PTPRJ: variants seen among roughly 807,000 people sequenced by gnomAD.
PTPRJ encodes the protein protein tyrosine phosphatase receptor type J.
A neutral mutation model predicts 141.3 loss-of-function variants in PTPRJ; 129 were observed. The observed-to-expected ratio is 0.91, with a 90% CI of 0.79 to 1.06. The LOEUF (loss-of-function observed/expected upper bound fraction) is 1.06, where lower values mean the gene tolerates loss of function less well. Ranked by LOEUF, PTPRJ falls within the 50% of genes least tolerant of loss-of-function variation. The pLI is 0.00. For missense variants in PTPRJ, 1,601 were observed against 1,679.7 expected (o/e 0.95, Z 0.82); for synonymous variants, 610 against 640.5 (o/e 0.95, Z 0.72).
At position 47,980,880 on chromosome 11, in the gene PTPRJ, C is replaced by T. The variant is rs960354452; in HGVS notation, c.-33C>T. 27 of 1,115,190 alleles carry T rather than the reference C, an allele frequency of 2.4e-5. No homozygotes were observed. Among genetic ancestry groups the T allele is most frequent in the Middle Eastern group, 7.6e-4 (2 of 2,622 alleles). The allele number at this position is 1,115,190 out of a possible 1,614,324, so 69.1% of individuals were successfully genotyped here. On this transcript the variant is annotated 5_prime_UTR_variant, in exon 1 of 25. Transcript: ENST00000418331. ...CGGGCGCACGGCGGGGCCCGATTCG[C>T]GCGTCCGGGGCACGTTCCAGGGCGC...
intron 18 of PTPRJ, among the ~76,000 whole-genome samples, chr11:48,152,021 C>T (rs1857495766): frequency 6.6e-6 from 1 of 152,240 alleles, no homozygotes; most frequent in African/African-American, 2.4e-5. Context: ...GGAATCACCA[C>T]ATTGTCTTCC....
intron 3 of PTPRJ, among the ~76,000 whole-genome samples, chr11:48,116,639 T>C (rs1450363862): frequency 6.6e-6 from 1 of 152,236 alleles, no homozygotes; most frequent in Non-Finnish European, 1.5e-5. Context: ...CAACTGCACC[T>C]GGAACATTCT....
In PTPRJ at chr11:48,110,957, T is replaced by C. The variant is rs148132296; in HGVS notation, c.115+881T>C. On this transcript the variant is annotated intron_variant, in intron 2 of 24. Transcript: ENST00000418331. Reference sequence around the variant, plus strand: ...ATCCATCCCTGGATTATGTCCTTACTAATTTTTTGGTCATAAAACATTTCT... The same window carrying C: ...ATCCATCCCTGGATTATGTCCTTACCAATTTTTTGGTCATAAAACATTTCT... Among the ~76,000 whole-genome samples, 414 of 152,366 alleles carry C rather than the reference T, an allele frequency of 2.7e-3. 1 individual carries two copies. Among genetic ancestry groups the C allele is most frequent in the African/African-American group, 9.1e-3 (380 of 41,578 alleles).
chr11:48,139,852 C>G, intron 11 of PTPRJ, 76 bp downstream of exon 11: 29 of 1,422,402 alleles, frequency 2.0e-5, no homozygotes, highest in Non-Finnish European at 2.6e-5. Flanking sequence ...TGGGTCTGCA[C>G]GTGTGGACTA....
At chr11:48,091,104 G>A (rs1242696799) in intron 1 of PTPRJ, among the ~76,000 whole-genome samples, 1 of 152,184 alleles carries the variant, frequency 6.6e-6, no homozygotes, top group Non-Finnish European at 1.5e-5. Flanking sequence ...AAGGCGGAGG[G>A]TGTGTGGGCT....
Position 48,054,889 on chromosome 11 carries a change from A to G in PTPRJ, c.97-55169A>G, listed in dbSNP as rs577609365. The stretch of plus-strand genomic sequence containing the variant: ...GGAAGGAGTAACTGAAGGGGGGTAT[A>G]TAAAGCCGCTGGCAGCCAGGCATGG... On this transcript the variant is annotated intron_variant, in intron 1 of 24. Coordinates refer to ENST00000418331, the MANE Select transcript of PTPRJ (RefSeq NM_002843.4). 2.0e-5 allele frequency among the ~76,000 whole-genome samples: 3 copies of G among 151,216 alleles called. No individual in the cohort carries two copies. In the South Asian group the frequency reaches 6.3e-4, roughly 32 times the overall value.
intron 1 of PTPRJ, among the ~76,000 whole-genome samples, chr11:47,999,587 C>G (rs1416948791): frequency 6.6e-6 from 1 of 152,142 alleles, no homozygotes; most frequent in Non-Finnish European, 1.5e-5. Context: ...GGCTCCCTCC[C>G]CAGACCAGTG....
intron 1 of PTPRJ, among the ~76,000 whole-genome samples, chr11:48,032,366 G>A (rs1050499095): frequency 1.3e-5 from 2 of 152,244 alleles, no homozygotes; most frequent in Non-Finnish European, 2.9e-5. Context: ...GGACTTCTCA[G>A]TTGGGCTTCA....
intron 1 of PTPRJ, among the ~76,000 whole-genome samples, chr11:47,981,751 C>T (rs1000785837): frequency 5.3e-5 from 8 of 152,172 alleles, no homozygotes; most frequent in African/African-American, 1.7e-4. Context: ...CGACCTTTCC[C>T]CTTCCTGGCA....
intron 3 of PTPRJ, among the ~76,000 whole-genome samples, chr11:48,116,123 C>T (rs532399694): frequency 9.4e-5 from 14 of 149,064 alleles, no homozygotes; most frequent in African/African-American, 2.4e-4. Flanking sequence ...ACATAGAGTG[C>T]GTGAATGGGT....
chr11:48,075,984 T>C (rs1359835326), intron 1 of PTPRJ, among the ~76,000 whole-genome samples: 1 of 152,178 alleles, frequency 6.6e-6, no homozygotes, highest in African/African-American at 2.4e-5. Context: ...CCCATTTCCA[T>C]CTGAAAGGCC....
At chr11:48,005,160 T>C (rs1854590112) in intron 1 of PTPRJ, among the ~76,000 whole-genome samples, 2 of 151,930 alleles carry the variant, frequency 1.3e-5, no homozygotes. Flanking sequence ...AGGTGGAGGT[T>C]GCAGTGAGCA....
Position 48,170,097 on chromosome 11 carries a change from A to G in PTPRJ, c.*2735A>G, listed in dbSNP as rs1303038833. ...CAATGAGCTCAAATTGGAAGAGTCC[A>G]GTGGAATCGGGGGGATGGTGTGAGC... On this transcript the variant is annotated 3_prime_UTR_variant, in exon 25 of 25. Transcript: ENST00000418331. 6.6e-6 allele frequency: 1 copy of G among 152,200 alleles called. No homozygotes were observed. Among genetic ancestry groups the G allele is most frequent in the Non-Finnish European group, 1.5e-5 (1 of 68,084 alleles). 9.4% of individuals were successfully genotyped at this position (152,200 alleles called of 1,614,324 possible).
At chr11:48,042,789 A>T (rs953298042) in intron 1 of PTPRJ, among the ~76,000 whole-genome samples, 18 of 133,254 alleles carry the variant, frequency 1.4e-4, no homozygotes, top group African/African-American at 1.9e-4. Context: ...TGTGTGTGAG[A>T]GAGAGAGAGA....
chr11:47,980,665 C>G lies in PTPRJ; in HGVS notation c.-248C>G. ...GCGCCGCTCGCTCCGCCCCGCGAAG[C>G]CCCTGCGCGCTCAGGGACGCGGCCC... On this transcript the variant is annotated 5_prime_UTR_variant, in exon 1 of 25. Coordinates refer to ENST00000418331, the MANE Select transcript of PTPRJ (RefSeq NM_002843.4). The G allele has an allele frequency of 1.0e-6, 1 of 986,692 alleles. No individual in the cohort carries two copies. The highest frequency in any genetic ancestry group is 1.2e-6 in the Non-Finnish European group (1 of 831,942). The allele number at this position is 986,692 out of a possible 1,614,324, so 61.1% of individuals were successfully genotyped here.
At chr11:48,108,246 G>C (rs1217867692) in intron 1 of PTPRJ, among the ~76,000 whole-genome samples, 1 of 152,208 alleles carries the variant, frequency 6.6e-6, no homozygotes, top group Non-Finnish European at 1.5e-5. Context: ...ATGTAAGGAT[G>C]ATGATGATGA....
intron 1 of PTPRJ, among the ~76,000 whole-genome samples, chr11:48,032,149 A>T (rs1443635017): frequency 6.6e-6 from 1 of 151,934 alleles, no homozygotes; most frequent in Non-Finnish European, 1.5e-5. Context: ...GCAGAGGGTG[A>T]CTCAGTTCTC....
Position 48,167,182 on chromosome 11 carries a change from C to G in PTPRJ, c.3856-22C>G, listed in dbSNP as rs1185090606. 3 of 1,595,040 alleles carry G rather than the reference C, an allele frequency of 1.9e-6. No homozygotes were observed. In the South Asian group the frequency reaches 3.4e-5, roughly 18 times the overall value. On this transcript the variant is annotated intron_variant, in intron 24 of 24. Transcript: ENST00000418331. ...TGGGACCCATGTTCATTTTCTGTCTCTCTCTTTCGTTTTTCTATCAGGACC... is the reference window on the plus strand; with the variant it reads ...TGGGACCCATGTTCATTTTCTGTCTGTCTCTTTCGTTTTTCTATCAGGACC...
intron 1 of PTPRJ, among the ~76,000 whole-genome samples, chr11:48,061,913 T>C (rs996699158): frequency 6.7e-6 from 1 of 149,516 alleles, no homozygotes; most frequent in Non-Finnish European, 1.5e-5. Flanking sequence ...CTTATAGTTT[T>C]TTTTTTTTTT....
Sources: allele counts gnomAD v4.1 joint callset (sites outside exome capture counted in the v4.1 genomes callset), GRCh38; gene constraint gnomAD v4.1.1; transcripts MANE v1.5; gene names NCBI Gene and HGNC (gene_info 2026-07-23, HGNC 2026-07-21).